DENND5B: variants seen among roughly 807,000 people sequenced by gnomAD.
DENND5B encodes the protein DENN domain-containing protein 5B.
A neutral mutation model predicts 140.6 loss-of-function variants in DENND5B; 34 were observed. The ratio of observed to expected loss-of-function variants is 0.24; its 90% CI spans 0.18 to 0.32. The LOEUF is 0.32. Among genes scored for constraint, DENND5B ranks in the 10% least tolerant of loss-of-function variants. The probability of loss-of-function intolerance (pLI) is 1.00; values close to 1 mark genes in which losing one functional copy is unlikely to be tolerated. For synonymous variants in DENND5B, 551 were observed against 562.1 expected, an observed-to-expected ratio of 0.98 and a Z score of 0.28; for missense variants, 1,142 against 1,560.2, an observed-to-expected ratio of 0.73 and a Z score of 4.52.
intron 7 of DENND5B, among the ~76,000 whole-genome samples, chr12:31,436,709 A>G (rs899084101): frequency 2.7e-5 from 4 of 149,306 alleles, no homozygotes; most frequent in African/African-American, 7.4e-5. Context: ...TAAGTTTTGT[A>G]TTTTTAGTGG....
Position 31,394,882 on chromosome 12 carries a change from T to G in DENND5B, c.3257-2186A>C, listed in dbSNP as rs549601843. Among the ~76,000 whole-genome samples the G allele has an allele frequency of 6.8e-4, 103 of 152,152 alleles. 1 individual carries two copies. Among genetic ancestry groups the G allele is most frequent in the African/African-American group, 2.1e-3 (87 of 41,554 alleles). On this transcript the variant is annotated intron_variant, in intron 17 of 20. Coordinates refer to ENST00000389082, the MANE Select transcript of DENND5B (RefSeq NM_144973.4). The stretch of plus-strand genomic sequence containing the variant: ...CCCGTCTTGGCCTCCCAAAGTGCTG[T>G]ATTACAGGCGTGAGCCACCGTGCCC...
intron 3 of DENND5B, among the ~76,000 whole-genome samples, chr12:31,460,987 A>G (rs2138256750): frequency 6.6e-6 from 1 of 152,272 alleles, no homozygotes; most frequent in African/African-American, 2.4e-5. Context: ...CGGCCTCCCA[A>G]AGTGCTGGGA....
At chr12:31,422,352 C>A (rs891808173) in intron 11 of DENND5B, among the ~76,000 whole-genome samples, 1 of 151,838 alleles carries the variant, frequency 6.6e-6, no homozygotes, top group African/African-American at 2.4e-5. Context: ...ATGGCATGAA[C>A]CCGGGAGGTG....
In DENND5B at chr12:31,423,582, C is replaced by G. The variant is rs762504871; in HGVS notation, c.2470+15G>C. ...AGAGTCCAGTGCTGCTAGTTCTTTACCAATGATGTCATACCTGGTGATTCT... is the reference window on the plus strand; with the variant it reads ...AGAGTCCAGTGCTGCTAGTTCTTTAGCAATGATGTCATACCTGGTGATTCT... On this transcript the variant is annotated intron_variant, in intron 11 of 20. Transcript: ENST00000389082. The G allele has an allele frequency of 1.5e-5, 24 of 1,613,314 alleles. No individual in the cohort carries two copies. The South Asian group carries it at 2.6e-4, about 18-fold the overall frequency.
intron 4 of DENND5B, among the ~76,000 whole-genome samples, chr12:31,458,381 A>G (rs1279999656): frequency 6.6e-6 from 1 of 152,270 alleles, no homozygotes; most frequent in East Asian, 1.9e-4. Context: ...AAGTCTTCAA[A>G]ACAAAATGCA....
intron 11 of DENND5B, among the ~76,000 whole-genome samples, chr12:31,415,758 T>A (rs1378484877): frequency 6.6e-6 from 1 of 152,180 alleles, no homozygotes; most frequent in African/African-American, 2.4e-5. Flanking sequence ...GGCTCATTTT[T>A]AAAATTTTTT....
At chr12:31,550,729 G>A (rs1949023532) in intron 1 of DENND5B, among the ~76,000 whole-genome samples, 1 of 152,108 alleles carries the variant, frequency 6.6e-6, no homozygotes, top group Non-Finnish European at 1.5e-5. Context: ...AGCACCTGTT[G>A]TTTCCTGACT....
At position 31,590,860 on chromosome 12, in the gene DENND5B, G is replaced by A. The variant is rs1592112501; in HGVS notation, c.-28C>T. ...CGGCCGCGCTGCTCCAGGGGCCGCC[G>A]CCGCCGCCGCCCGGGAAGGCTTTCT... On this transcript the variant is annotated 5_prime_UTR_variant, in exon 1 of 21. Coordinates refer to ENST00000389082, the MANE Select transcript of DENND5B (RefSeq NM_144973.4). The A allele has an allele frequency of 1.7e-6, 2 of 1,196,178 alleles. No homozygotes were observed. Among genetic ancestry groups the A allele is most frequent in the East Asian group, 7.3e-5 (2 of 27,314 alleles). The allele number at this position is 1,196,178 out of a possible 1,614,324, so 74.1% of individuals were successfully genotyped here.
chr12:31,554,809 C>T (rs574276738), intron 1 of DENND5B, among the ~76,000 whole-genome samples: 32 of 152,290 alleles, frequency 2.1e-4, no homozygotes, highest in South Asian at 1.4e-3. Context: ...TCATTCATTT[C>T]GTCTTCCATC....
At chr12:31,589,963 C>T (rs775410929) in intron 1 of DENND5B, 1 of 152,414 alleles carries the variant, frequency 6.6e-6, no homozygotes, top group Non-Finnish European at 1.5e-5. Context: ...GGACCGGTAC[C>T]CCTCCGGGAA....
intron 1 of DENND5B, among the ~76,000 whole-genome samples, chr12:31,512,328 C>A (rs535800532): frequency 1.3e-5 from 2 of 151,248 alleles, no homozygotes; most frequent in African/African-American, 4.9e-5. Context: ...GCGACCCTCC[C>A]ACCTCAGCCT....
At chr12:31,391,163 C>T (rs1941121340) in intron 19 of DENND5B, among the ~76,000 whole-genome samples, 1 of 152,216 alleles carries the variant, frequency 6.6e-6, no homozygotes, top group African/African-American at 2.4e-5. Context: ...ACACCCCCTC[C>T]CCCAATCTCC....
intron 1 of DENND5B, among the ~76,000 whole-genome samples, chr12:31,551,422 A>C (rs1348609613): frequency 2.0e-5 from 3 of 152,076 alleles, no homozygotes; most frequent in South Asian, 2.1e-4. Context: ...ATTGATCTAT[A>C]TCTCTGTTTT....
At chr12:31,396,850 G>A (rs1420921183) in intron 17 of DENND5B, among the ~76,000 whole-genome samples, 2 of 152,088 alleles carry the variant, frequency 1.3e-5, no homozygotes, top group African/African-American at 4.8e-5. Flanking sequence ...TCAAACTCCT[G>A]ATCTCAAGTG....
chr12:31,557,703 C>T (rs1455314994), intron 1 of DENND5B, among the ~76,000 whole-genome samples: 1 of 151,272 alleles, frequency 6.6e-6, no homozygotes, highest in African/African-American at 2.4e-5. Flanking sequence ...GACTACTACC[C>T]TTTAGGTATT....
chr12:31,499,571 TA>T, intron 1 of DENND5B: 1 of 1,442,140 alleles, frequency 6.9e-7, no homozygotes, highest in Non-Finnish European at 9.1e-7. Context: ...TAATGATTTA[TA>T]ATAGCCCATC....
intron 3 of DENND5B, among the ~76,000 whole-genome samples, chr12:31,475,652 G>C (rs541498376): frequency 6.6e-6 from 1 of 152,272 alleles, no homozygotes; most frequent in East Asian, 1.9e-4. Context: ...AGGAGGCTGA[G>C]GGGTGAAGGT....
chr12:31,439,073 C>T (rs1943909951), intron 7 of DENND5B, among the ~76,000 whole-genome samples: 1 of 152,222 alleles, frequency 6.6e-6, no homozygotes, highest in Non-Finnish European at 1.5e-5. Flanking sequence ...CATTCCTGGT[C>T]TTGTTAAGTA....
intron 1 of DENND5B, among the ~76,000 whole-genome samples, chr12:31,531,382 T>C (rs553118927): frequency 4.6e-4 from 70 of 152,248 alleles, no homozygotes; most frequent in Non-Finnish European, 5.9e-4. Context: ...GTACTTTCAG[T>C]AGAGACAGTG....
Sources: allele counts gnomAD v4.1 joint callset (sites outside exome capture counted in the v4.1 genomes callset), GRCh38; gene constraint gnomAD v4.1.1; transcripts MANE v1.5; gene names NCBI Gene and HGNC (gene_info 2026-07-23, HGNC 2026-07-21).